ZNF608: variants seen among roughly 807,000 people sequenced by gnomAD.
ZNF608 encodes zinc finger protein 608.
A neutral mutation model predicts 109.0 loss-of-function variants in ZNF608; 12 were observed. The observed-to-expected ratio is 0.11, with a 90% CI of 0.07 to 0.18. The LOEUF is 0.18. Among genes scored for constraint, ZNF608 ranks in the 10% least tolerant of loss-of-function variants. The pLI, the probability that ZNF608 is intolerant of heterozygous loss-of-function variation, is 1.00. For missense variants in ZNF608, 1,707 were observed against 1,879.3 expected, an observed-to-expected ratio of 0.91 and a Z score of 1.70; for synonymous variants, 732 against 717.4, an observed-to-expected ratio of 1.02 and a Z score of -0.33.
chr5:124,658,785 T>C (rs1386403284), intron 3 of ZNF608, among the ~76,000 whole-genome samples: 3 of 152,218 alleles, frequency 2.0e-5, no homozygotes, highest in Non-Finnish European at 2.9e-5. Flanking sequence ...CAATCCAGTC[T>C]CACAAGCTTG....
intron 3 of ZNF608, among the ~76,000 whole-genome samples, chr5:124,695,825 A>C (rs981637707): frequency 2.6e-5 from 4 of 152,088 alleles, no homozygotes; most frequent in African/African-American, 9.7e-5. Flanking sequence ...AAATACTATC[A>C]TCTTTATGAC....
At chr5:124,691,242 C>A (rs1372052170) in intron 3 of ZNF608, among the ~76,000 whole-genome samples, 4 of 151,988 alleles carry the variant, frequency 2.6e-5, no homozygotes, top group Non-Finnish European at 5.9e-5. Flanking sequence ...CATAGCAAGA[C>A]CCTGTCTCTT....
At chr5:124,682,202 A>T (rs1752227608) in intron 3 of ZNF608, among the ~76,000 whole-genome samples, 2 of 152,182 alleles carry the variant, frequency 1.3e-5, no homozygotes, top group Non-Finnish European at 2.9e-5. Context: ...CCTCCCCAGT[A>T]GCTGGGCTTA....
At chr5:124,674,452 G>A (rs965101249) in intron 3 of ZNF608, among the ~76,000 whole-genome samples, 1 of 152,132 alleles carries the variant, frequency 6.6e-6, no homozygotes, top group Non-Finnish European at 1.5e-5. Context: ...CTAGTTTAGT[G>A]GTTCTCAGTT....
intron 2 of ZNF608, among the ~76,000 whole-genome samples, chr5:124,717,844 G>A (rs977676692): frequency 1.3e-5 from 2 of 152,316 alleles, no homozygotes; most frequent in Admixed American, 6.5e-5. Context: ...GGACAGATGG[G>A]GGACTCTGGG....
At position 124,649,660 on chromosome 5, in the gene ZNF608, C is replaced by T. The variant is rs148987339; in HGVS notation, c.1200G>A (p.Thr400=). 6.8e-6 allele frequency: 11 copies of T among 1,609,788 alleles called. No homozygotes were observed. The highest frequency in any genetic ancestry group is 3.3e-5 in the South Asian group (3 of 90,714). Residue 400 remains threonine, a synonymous_variant, in exon 4 of 10, where the codon ACG becomes ACA. Transcript: ENST00000513986. ...LVVNVTWRNK[T]YVGTLLDCTK... ...TGCAGTCCAGTAGGGTTCCCACGTA[C>T]GTTTTGTTCCTCCACGTGACATTGA...
intron 3 of ZNF608, among the ~76,000 whole-genome samples, chr5:124,668,396 GA>G (rs979502525): frequency 0.02 from 2,851 of 144,198 alleles, 33 homozygotes; most frequent in Non-Finnish European, 0.023. Context: ...ACACCACACA[GA>G]AAAAAAAAAA....
At chr5:124,737,820 T>C (rs1017840473) in intron 2 of ZNF608, among the ~76,000 whole-genome samples, 1 of 152,206 alleles carries the variant, frequency 6.6e-6, no homozygotes, top group South Asian at 2.1e-4. Flanking sequence ...TGCTGGTCAA[T>C]CAACTATGAA....
chr5:124,715,203 AAAAT>A (rs1466106348), intron 2 of ZNF608, among the ~76,000 whole-genome samples: 2 of 152,212 alleles, frequency 1.3e-5, no homozygotes, highest in Non-Finnish European at 2.9e-5. Context: ...AATGTAAATA[AAAAT>A]AAATGTTATT....
chr5:124,643,789 G>C, intron 6 of ZNF608, 106 bp from the exon 7 acceptor site: 1 of 1,130,494 alleles, frequency 8.8e-7, no homozygotes, highest in Non-Finnish European at 1.2e-6. Context: ...TCTTAAAATA[G>C]GGGGTTACAT....
intron 3 of ZNF608, among the ~76,000 whole-genome samples, chr5:124,672,889 AG>A (rs1751785738): frequency 6.6e-6 from 1 of 152,204 alleles, no homozygotes; most frequent in African/African-American, 2.4e-5. Context: ...ATCGGAAAAA[AG>A]TATGAGCCCA....
At chr5:124,709,030 G>A (rs1044495760) in intron 2 of ZNF608, among the ~76,000 whole-genome samples, 1 of 152,020 alleles carries the variant, frequency 6.6e-6, no homozygotes, top group African/African-American at 2.4e-5. Flanking sequence ...AAATTAGCTG[G>A]GCGTGGTAGC....
Position 124,639,209 on chromosome 5 carries a change from T to G in ZNF608, c.4456A>C (p.Thr1486Pro), listed in dbSNP as rs752371350. Residue 1486 changes from threonine (T) to proline (P), a missense_variant, in exon 9 of 10, where the codon ACC (threonine) becomes CCC (proline). This residue lies in a region of ZNF608 where 1,073 missense variants were observed against 1,133.5 expected (regional missense o/e 0.95). Transcript: ENST00000513986. ...TGAGAGGCAACAAGGGCAGCAGAGG[T>G]CAAGCCTAATGGGGAAAAAATGTAG... ...PGQYDPFQGL[T>P]SAALVASQQV... 5.6e-6 allele frequency: 9 copies of G among 1,613,910 alleles called. No homozygotes were observed. The highest frequency in any genetic ancestry group is 7.6e-6 in the Non-Finnish European group (9 of 1,179,978).
intron 2 of ZNF608, among the ~76,000 whole-genome samples, chr5:124,740,328 T>G (rs1171934218): frequency 6.6e-6 from 1 of 152,152 alleles, no homozygotes; most frequent in East Asian, 1.9e-4. Flanking sequence ...CAATGCTGAT[T>G]TGGACGCCAC....
At chr5:124,652,661 A>C (rs1750843459) in intron 3 of ZNF608, among the ~76,000 whole-genome samples, 1 of 152,232 alleles carries the variant, frequency 6.6e-6, no homozygotes, top group Non-Finnish European at 1.5e-5. Flanking sequence ...ATGTTTAGAC[A>C]ACACCCCATT....
At chr5:124,651,742 C>G (rs1306161306) in intron 3 of ZNF608, among the ~76,000 whole-genome samples, 1 of 152,260 alleles carries the variant, frequency 6.6e-6, no homozygotes, top group African/African-American at 2.4e-5. Flanking sequence ...GATTGGCCGG[C>G]GCCCGCTGCG....
upstream of ZNF608, among the ~76,000 whole-genome samples, chr5:124,747,167 TC>T (rs1458306519): frequency 4.7e-5 from 7 of 150,374 alleles, no homozygotes; most frequent in South Asian, 2.1e-4. Context: ...GTTTTTGTTT[TC>T]TTTTTTTTTT....
In ZNF608 at chr5:124,744,808, TTGC is replaced by T. The variant is rs1561599843; in HGVS notation, c.179_181del (p.Ser60del). 5.0e-6 allele frequency: 8 copies of T among 1,614,116 alleles called. No homozygotes were observed. Among genetic ancestry groups the T allele is most frequent in the Non-Finnish European group, 6.8e-6 (8 of 1,180,008 alleles). On this transcript the variant is annotated inframe_deletion, in exon 2 of 10. Coordinates refer to ENST00000513986, the MANE Select transcript of ZNF608 (RefSeq NM_020747.3). This position sits in a 1 kb window ranked among gnomAD's most constrained non-coding sequence, Gnocchi z 4.5. The stretch of plus-strand genomic sequence containing the variant: ...GGCCGGACCTCCACAATCCTTGGAG[TTGC>T]TGCTACTAGTGGTGGTGGTGGAATT...
intron 3 of ZNF608, among the ~76,000 whole-genome samples, chr5:124,652,524 AT>A (rs1368546456): frequency 6.6e-6 from 1 of 152,174 alleles, no homozygotes; most frequent in Non-Finnish European, 1.5e-5. Context: ...TCTGCCCACA[AT>A]TCACATCCGA....
Sources: allele counts gnomAD v4.1 joint callset (sites outside exome capture counted in the v4.1 genomes callset), GRCh38; gene constraint gnomAD v4.1.1; regional missense constraint gnomAD v4.1.1; non-coding constraint Gnocchi (gnomAD v3.1); transcripts MANE v1.5; gene names NCBI Gene and HGNC (gene_info 2026-07-23, HGNC 2026-07-21).